The following IPO9 variants were observed in gnomAD, a reference collection of about 807,000 sequenced individuals.
The protein encoded by IPO9 is importin 9.
A neutral mutation model predicts 128.6 loss-of-function variants in IPO9; 28 were observed. The observed-to-expected ratio is 0.22, with a 90% confidence interval of 0.16 to 0.30. IPO9 has a LOEUF of 0.30. Among genes scored for constraint, IPO9 ranks in the 10% least tolerant of loss-of-function variants. The pLI is 1.00. For synonymous variants in IPO9, 455 were observed against 475.8 expected, an observed-to-expected ratio of 0.96 and a Z score of 0.57; for missense variants, 935 against 1,293.9, an observed-to-expected ratio of 0.72 and a Z score of 4.26.
intron 1 of IPO9, among the ~76,000 whole-genome samples, chr1:201,843,708 A>G (rs952625060): frequency 6.6e-6 from 1 of 151,938 alleles, no homozygotes; most frequent in Non-Finnish European, 1.5e-5. Flanking sequence ...CACTCCTGCA[A>G]TTCCAGCTAT....
At chr1:201,838,244 A>G (rs190005582) in intron 1 of IPO9, among the ~76,000 whole-genome samples, 2 of 152,366 alleles carry the variant, frequency 1.3e-5, no homozygotes, top group Admixed American at 1.3e-4. Flanking sequence ...AAGTCTAAGT[A>G]TCATCCATTA....
Position 201,876,028 on chromosome 1 carries a change from C to T in IPO9, c.3100C>T (p.Arg1034Ter), listed in dbSNP as rs1212075659. The change falls in exon 24 of 24, where the codon CGA (arginine) becomes TGA (stop). Residue 1034 changes from arginine to a stop codon, truncating the protein, a stop_gained. Coordinates refer to ENST00000361565, the MANE Select transcript of IPO9 (RefSeq NM_018085.5). LOFTEE classifies it high-confidence loss of function. ...AGGCCACCTTAATGACAATGAGAGG[C>T]GAGTTCTACAGACCATCGGCATCTA... ...FSGHLNDNER[R>*]VLQTIGI The T allele has an allele frequency of 1.9e-6, 3 of 1,612,626 alleles. No individual in the cohort carries two copies. The highest frequency in any genetic ancestry group is 1.3e-5 in the African/African-American group (1 of 75,024).
Position 201,883,826 on chromosome 1 carries a change from C to T in IPO9, c.*7772C>T, listed in dbSNP as rs905536683. 2.7e-4 allele frequency: 41 copies of T among 152,256 alleles called. No homozygotes were observed. Among genetic ancestry groups the T allele is most frequent in the African/African-American group, 8.7e-4 (36 of 41,462 alleles). 9.4% of individuals were successfully genotyped at this position (152,256 alleles called of 1,614,324 possible). On this transcript the variant is annotated 3_prime_UTR_variant, in exon 24 of 24. Coordinates refer to ENST00000361565, the MANE Select transcript of IPO9 (RefSeq NM_018085.5). The stretch of plus-strand genomic sequence containing the variant: ...CATAACTAATATCCCTCGTCAGCTC[C>T]GCTGACTCATCCCTGCCACAGGGAG...
At chr1:201,859,176 G>A (rs1680389694) in intron 13 of IPO9, among the ~76,000 whole-genome samples, 182 bp downstream of exon 13, 4 of 16,908 alleles carry the variant, frequency 2.4e-4, no homozygotes, top group Admixed American at 1.0e-3. Flanking sequence ...AGAACTCAAA[G>A]TATAATATAT....
At chr1:201,863,073 G>A (rs1015087662) in intron 13 of IPO9, among the ~76,000 whole-genome samples, 26 of 152,080 alleles carry the variant, frequency 1.7e-4, no homozygotes, top group African/African-American at 2.9e-4. Flanking sequence ...ATGGAGGGCC[G>A]GATGCGGTGG....
At chr1:201,860,533 C>A (rs1680423991) in intron 13 of IPO9, among the ~76,000 whole-genome samples, 1 of 152,138 alleles carries the variant, frequency 6.6e-6, no homozygotes, top group South Asian at 2.1e-4. Flanking sequence ...CAACACATTT[C>A]TTATAGAGTT....
chr1:201,866,907 G>A lies in IPO9; in HGVS notation c.1803G>A (p.Met601Ile), dbSNP rs1197299348. The A allele has an allele frequency of 4.3e-6, 7 of 1,614,140 alleles. No homozygotes were observed. Among genetic ancestry groups the A allele is most frequent in the Non-Finnish European group, 2.5e-6 (3 of 1,180,026 alleles). ...CTVDPEFTAS[M>I]ESKICPFTIA... is the part of the protein sequence containing the mutation. ...TAGACCCCGAATTCACAGCAAGCAT[G>A]GAAAGCAAAATCTGCCCCTTCACCA... The change falls in exon 15 of 24, where the codon ATG (methionine) becomes ATA (isoleucine). Residue 601 changes from methionine to isoleucine, a missense_variant. Coordinates refer to ENST00000361565, the MANE Select transcript of IPO9 (RefSeq NM_018085.5).
chr1:201,855,349 C>T (rs1680311976), intron 9 of IPO9, among the ~76,000 whole-genome samples, 167 bp downstream of exon 9: 1 of 152,182 alleles, frequency 6.6e-6, no homozygotes. Flanking sequence ...AATTGACAAT[C>T]TTTAATCTGT....
chr1:201,865,707 A>T (rs1227097932), intron 14 of IPO9, among the ~76,000 whole-genome samples: 1 of 152,130 alleles, frequency 6.6e-6, no homozygotes, highest in South Asian at 2.1e-4. Flanking sequence ...TTTCAACTCA[A>T]ATTTATGTCA....
intron 1 of IPO9, among the ~76,000 whole-genome samples, chr1:201,841,945 A>C (rs1680043272): frequency 6.6e-6 from 1 of 152,232 alleles, no homozygotes; most frequent in South Asian, 2.1e-4. Flanking sequence ...GACTTCTGTG[A>C]TCTCAAAAAT....
chr1:201,863,300 C>G (rs931330287), intron 13 of IPO9, 148 bp from the exon 14 acceptor site: 2 of 660,842 alleles, frequency 3.0e-6, no homozygotes, highest in African/African-American at 3.6e-5. Context: ...TGCAGTGAGC[C>G]GAGATCACGC....
At chr1:201,833,653 T>C (rs1169278300) in intron 1 of IPO9, among the ~76,000 whole-genome samples, 3 of 152,190 alleles carry the variant, frequency 2.0e-5, no homozygotes, top group Admixed American at 2.0e-4. Context: ...GCTAATTAGA[T>C]AAGGAGATGA....
At chr1:201,845,889 CCT>C (rs1174924323) in intron 1 of IPO9, among the ~76,000 whole-genome samples, 1 of 152,150 alleles carries the variant, frequency 6.6e-6, no homozygotes, top group Non-Finnish European at 1.5e-5. Flanking sequence ...CATTCTTCCT[CCT>C]CTTTTCACAA....
At chr1:201,832,298 G>A (rs183515751) in intron 1 of IPO9, among the ~76,000 whole-genome samples, 3 of 150,862 alleles carry the variant, frequency 2.0e-5, no homozygotes, top group Non-Finnish European at 4.4e-5. Flanking sequence ...GTGGTCCAGG[G>A]CCCAGGCTGG....
At chr1:201,862,377 G>A (rs376387312) in intron 13 of IPO9, among the ~76,000 whole-genome samples, 1 of 151,980 alleles carries the variant, frequency 6.6e-6, no homozygotes, top group African/African-American at 2.4e-5. Context: ...AGAATCGCTC[G>A]AACCCGGGAA....
Position 201,881,478 on chromosome 1 carries a change from G to A in IPO9, c.*5424G>A, listed in dbSNP as rs1007949868. ...TGGGGTAAGACATTGCAGAGAAAAA[G>A]TAAGAAAAGGCCGTCATGAAACAAT... On this transcript the variant is annotated 3_prime_UTR_variant, in exon 24 of 24. Transcript: ENST00000361565. The A allele has an allele frequency of 6.6e-6, 1 of 152,154 alleles. No individual in the cohort carries two copies. Among genetic ancestry groups the A allele is most frequent in the Non-Finnish European group, 1.5e-5 (1 of 68,026 alleles). The allele number at this position is 152,154 out of a possible 1,614,324, so 9.4% of individuals were successfully genotyped here.
intron 15 of IPO9, among the ~76,000 whole-genome samples, chr1:201,867,738 A>G (rs1253960673): frequency 6.6e-6 from 1 of 151,910 alleles, no homozygotes; most frequent in Non-Finnish European, 1.5e-5. Flanking sequence ...TATTACTAGT[A>G]AAATATTAAG....
chr1:201,871,361 C>T (rs1203116361), intron 19 of IPO9, 34 bp downstream of exon 19: 4 of 932,792 alleles, frequency 4.3e-6, no homozygotes, highest in Non-Finnish European at 6.4e-6. Flanking sequence ...GGGCATTCTG[C>T]CACCACTCAT....
intron 1 of IPO9, among the ~76,000 whole-genome samples, chr1:201,844,970 A>G (rs1680098506): frequency 6.6e-6 from 1 of 151,058 alleles, no homozygotes; most frequent in African/African-American, 2.4e-5. Context: ...CATATATTAT[A>G]TTATTCAGTC....
Sources: allele counts gnomAD v4.1 joint callset (sites outside exome capture counted in the v4.1 genomes callset), GRCh38; gene constraint gnomAD v4.1.1; transcripts MANE v1.5; gene names NCBI Gene and HGNC (gene_info 2026-07-23, HGNC 2026-07-21).